The following TEAD1 variants were observed in gnomAD, a reference collection of about 807,000 sequenced individuals.
The protein encoded by TEAD1 is TEA domain transcription factor 1.
Under a neutral mutation model 54.9 loss-of-function variants are expected in TEAD1, and 9 were observed. That is an observed-to-expected ratio of 0.16 (90% confidence interval 0.10 to 0.29). TEAD1 has a LOEUF of 0.29. Ranked by LOEUF, TEAD1 falls within the 10% of genes least tolerant of loss-of-function variation. TEAD1 has a pLI of 1.00. For missense variants in TEAD1, 387 were observed against 535.9 expected (o/e 0.72, Z 2.74); for synonymous variants, 200 against 187.8 (o/e 1.07, Z -0.53).
At chr11:12,893,736 A>G (rs1334571086) in intron 9 of TEAD1, among the ~76,000 whole-genome samples, 2 of 152,170 alleles carry the variant, frequency 1.3e-5, no homozygotes, top group Non-Finnish European at 1.5e-5. Context: ...GGAAGGAGGC[A>G]TTCACTTGCT....
intron 9 of TEAD1, among the ~76,000 whole-genome samples, chr11:12,886,681 A>C (rs1447704330): frequency 6.8e-6 from 1 of 146,918 alleles, no homozygotes; most frequent in Non-Finnish European, 1.5e-5. Flanking sequence ...TTTTTTTTTG[A>C]GATGGGGTCT....
intron 12 of TEAD1, among the ~76,000 whole-genome samples, chr11:12,931,145 G>GA (rs1370849785): frequency 6.6e-6 from 1 of 152,186 alleles, no homozygotes; most frequent in African/African-American, 2.4e-5. Context: ...AAAGGAAAGG[G>GA]AAAATAGTGT....
chr11:12,837,255 C>T (rs888345630), intron 3 of TEAD1, among the ~76,000 whole-genome samples: 2 of 152,040 alleles, frequency 1.3e-5, no homozygotes, highest in South Asian at 4.2e-4. Context: ...TCCCCTCATA[C>T]TCTTTGGCTG....
chr11:12,745,301 C>T (rs1028430109), intron 2 of TEAD1, among the ~76,000 whole-genome samples: 4 of 152,178 alleles, frequency 2.6e-5, no homozygotes, highest in South Asian at 2.1e-4. Context: ...ATTCTGGCCA[C>T]ACTAGGAGTA....
At chr11:12,709,329 T>G (rs561210048) in intron 2 of TEAD1, among the ~76,000 whole-genome samples, 92 of 148,346 alleles carry the variant, frequency 6.2e-4, no homozygotes, top group African/African-American at 2.1e-3. Flanking sequence ...TAGAGCAAGA[T>G]TCTCTCTCAA....
At chr11:12,686,538 G>C (rs1486595069) in intron 2 of TEAD1, among the ~76,000 whole-genome samples, 1 of 151,900 alleles carries the variant, frequency 6.6e-6, no homozygotes, top group Admixed American at 6.6e-5. Flanking sequence ...GTTTAATTTA[G>C]AAAGAAGTTT....
chr11:12,921,579 T>C (rs1948808363), intron 10 of TEAD1, among the ~76,000 whole-genome samples: 1 of 150,220 alleles, frequency 6.7e-6, no homozygotes, highest in Non-Finnish European at 1.5e-5. Context: ...TGGCACAGGC[T>C]ACATCATAAT....
intron 5 of TEAD1, among the ~76,000 whole-genome samples, chr11:12,870,570 C>T (rs563241357): frequency 8.5e-5 from 13 of 152,182 alleles, no homozygotes; most frequent in East Asian, 7.7e-4. Flanking sequence ...CCGCCCCCCC[C>T]GGGGTTGGGG....
At chr11:12,719,698 G>T (rs954998330) in intron 2 of TEAD1, among the ~76,000 whole-genome samples, 2 of 152,102 alleles carry the variant, frequency 1.3e-5, no homozygotes, top group Non-Finnish European at 2.9e-5. Context: ...TTTAATCTGG[G>T]TGAAGCCGTG....
intron 3 of TEAD1, among the ~76,000 whole-genome samples, chr11:12,782,010 C>T (rs902082544): frequency 4.7e-5 from 7 of 149,066 alleles, no homozygotes; most frequent in African/African-American, 1.8e-4. Flanking sequence ...ATTAGCCAAG[C>T]GTGGTAGTGC....
intron 3 of TEAD1, among the ~76,000 whole-genome samples, chr11:12,789,323 C>T (rs1564940404): frequency 6.6e-6 from 1 of 152,078 alleles, no homozygotes. Flanking sequence ...CACATAGTGA[C>T]CAGTGTCATT....
At chr11:12,924,217 C>T (rs1031370684) in intron 10 of TEAD1, among the ~76,000 whole-genome samples, 1 of 152,180 alleles carries the variant, frequency 6.6e-6, no homozygotes, top group African/African-American at 2.4e-5. Context: ...CTAAATCATT[C>T]CTCAACTGAG....
At chr11:12,863,131 G>A (rs1404606020) in intron 4 of TEAD1, among the ~76,000 whole-genome samples, 4 of 152,190 alleles carry the variant, frequency 2.6e-5, no homozygotes, top group Non-Finnish European at 5.9e-5. Flanking sequence ...CTTAAAAACT[G>A]TAATCAGACC....
At chr11:12,793,590 A>G (rs1190466057) in intron 3 of TEAD1, among the ~76,000 whole-genome samples, 1 of 152,106 alleles carries the variant, frequency 6.6e-6, no homozygotes, top group Non-Finnish European at 1.5e-5. Context: ...TTTGTAGGAC[A>G]TTGACTGTTT....
At chr11:12,816,714 T>C (rs1210219234) in intron 3 of TEAD1, among the ~76,000 whole-genome samples, 1 of 152,152 alleles carries the variant, frequency 6.6e-6, no homozygotes, top group African/African-American at 2.4e-5. Context: ...CCTGTGGCTA[T>C]TTATTTAGCA....
rs563645657 is a variant in TEAD1 at position 12,742,699 on chromosome 11, C to T, written c.-54-21480C>T. On this transcript the variant is annotated intron_variant, in intron 2 of 12. Coordinates refer to ENST00000527636, the MANE Select transcript of TEAD1 (RefSeq NM_021961.6). Reference sequence around the variant, plus strand: ...TCACATTGTACCCCATGAACATATACAACTATTATTTATCATTCAAAAATA... The same window carrying T: ...TCACATTGTACCCCATGAACATATATAACTATTATTTATCATTCAAAAATA... Among the ~76,000 whole-genome samples, 11 of 152,222 alleles carry T rather than the reference C, an allele frequency of 7.2e-5. No homozygotes were observed. The South Asian group carries it at 2.3e-3, about 32-fold the overall frequency.
chr11:12,942,355 G>A lies in TEAD1; in HGVS notation c.*5133G>A, dbSNP rs1196500103. Reference sequence around the variant, plus strand: ...GATGAGTAACCAACCACAGGCCTCTGTTCACAAGAGCACGACGTGGTCCCC... The same window carrying A: ...GATGAGTAACCAACCACAGGCCTCTATTCACAAGAGCACGACGTGGTCCCC... On this transcript the variant is annotated 3_prime_UTR_variant, in exon 13 of 13. Coordinates refer to ENST00000527636, the MANE Select transcript of TEAD1 (RefSeq NM_021961.6). The A allele has an allele frequency of 6.6e-6, 1 of 152,346 alleles. No homozygotes were observed. The highest frequency in any genetic ancestry group is 1.5e-5 in the Non-Finnish European group (1 of 68,046). The allele number at this position is 152,346 out of a possible 1,614,324, so 9.4% of individuals were successfully genotyped here.
At chr11:12,743,016 G>A (rs563236699) in intron 2 of TEAD1, among the ~76,000 whole-genome samples, 23 of 152,300 alleles carry the variant, frequency 1.5e-4, no homozygotes, top group Middle Eastern at 3.4e-3. Flanking sequence ...GCTGTAATAC[G>A]TCCAGGCTAG....
At chr11:12,893,602 C>T (rs1186575504) in intron 9 of TEAD1, among the ~76,000 whole-genome samples, 3 of 152,194 alleles carry the variant, frequency 2.0e-5, no homozygotes, top group Non-Finnish European at 2.9e-5. Context: ...CTCACTCAGT[C>T]GGTGGGCCTT....
Sources: gnomAD v4.1 joint callset for allele counts (sites outside exome capture counted in the v4.1 genomes callset) on GRCh38, gnomAD v4.1.1 for gene constraint, MANE v1.5 for transcripts, NCBI Gene and HGNC (gene_info 2026-07-23, HGNC 2026-07-21) for gene names.